The following PIK3C3 variants were observed in gnomAD, a reference collection of about 807,000 sequenced individuals.
PIK3C3 encodes phosphatidylinositol 3-kinase catalytic subunit type 3.
A neutral mutation model predicts 126.1 loss-of-function variants in PIK3C3; 95 were observed. That is an observed-to-expected ratio of 0.75 (90% confidence interval 0.64 to 0.89). The LOEUF (loss-of-function observed/expected upper bound fraction) is 0.89, where lower values mean the gene tolerates loss of function less well. Among genes scored for constraint, PIK3C3 ranks in the 40% least tolerant of loss-of-function variants. The pLI is 0.00. For synonymous variants in PIK3C3, 374 were observed against 360.0 expected (o/e 1.04, Z -0.44); for missense variants, 829 against 1,063.2 (o/e 0.78, Z 3.06).
chr18:42,014,615 C>T (rs1982987942), intron 11 of PIK3C3, among the ~76,000 whole-genome samples: 1 of 152,056 alleles, frequency 6.6e-6, no homozygotes, highest in Non-Finnish European at 1.5e-5. Flanking sequence ...TAGTAGTAAC[C>T]ATTGGGTGAA....
chr18:41,955,621 A>C (rs972449286), intron 1 of PIK3C3, among the ~76,000 whole-genome samples: 1 of 152,202 alleles, frequency 6.6e-6, no homozygotes, highest in Non-Finnish European at 1.5e-5. Flanking sequence ...TACAGTCTTT[A>C]AAGTTTTTGC....
At position 42,049,557 on chromosome 18, in the gene PIK3C3, C is replaced by T; in HGVS notation, c.2215C>T (p.Leu739Phe). 6.2e-7 allele frequency: 1 copy of T among 1,613,760 alleles called. No individual in the cohort carries two copies. The highest frequency in any genetic ancestry group is 8.5e-7 in the Non-Finnish European group (1 of 1,179,708). ...TGGATATTGCGTGATCACCTATATA[C>T]TTGGAGTTGGAGACAGGCACCTGGA... The part of the protein sequence containing the change: ...CAGYCVITYI[L>F]GVGDRHLDNL... The change falls in exon 21 of 25, where the codon CTT (leucine) becomes TTT (phenylalanine). Residue 739 changes from leucine (L) to phenylalanine (F), a missense_variant. Transcript: ENST00000262039.
intron 1 of PIK3C3, 94 bp downstream of exon 1, chr18:41,955,453 C>A: frequency 9.1e-7 from 1 of 1,098,450 alleles, no homozygotes; most frequent in Non-Finnish European, 1.4e-6. Flanking sequence ...AAGTACGTGA[C>A]TCGTCTCAAG....
intron 3 of PIK3C3, among the ~76,000 whole-genome samples, chr18:41,966,777 A>T (rs76730334): frequency 0.025 from 3,873 of 152,302 alleles, 169 homozygotes; most frequent in African/African-American, 0.088. Context: ...ATATACACGG[A>T]ATATTCAGCT....
chr18:41,986,702 G>A (rs903469256), intron 4 of PIK3C3, among the ~76,000 whole-genome samples: 74 of 151,936 alleles, frequency 4.9e-4, no homozygotes, highest in African/African-American at 1.3e-3. Context: ...TTCCACCAGA[G>A]CCACCACGAT....
intron 9 of PIK3C3, 89 bp from the exon 10 acceptor site, chr18:42,004,267 T>C (rs540231031): frequency 2.1e-6 from 2 of 935,598 alleles, no homozygotes; most frequent in Non-Finnish European, 3.3e-6. Context: ...CGTGGCTCTG[T>C]CATTAGGACC....
intron 9 of PIK3C3, among the ~76,000 whole-genome samples, chr18:42,003,954 G>A (rs1419584658): frequency 2.0e-5 from 3 of 152,128 alleles, no homozygotes; most frequent in East Asian, 1.9e-4. Context: ...CATGGCTTCC[G>A]GCCCTTCGCT....
intron 11 of PIK3C3, 132 bp from the exon 12 acceptor site, chr18:42,015,344 T>C: frequency 1.5e-6 from 1 of 664,060 alleles, no homozygotes; most frequent in Admixed American, 2.4e-5. Context: ...ACTCTAGTGT[T>C]GCACAGAACA....
chr18:41,962,537 G>A lies in PIK3C3; in HGVS notation c.306G>A (p.Arg102=). The change falls in exon 3 of 25, where the codon AGG becomes AGA. Residue 102 remains arginine, a synonymous_variant. Transcript: ENST00000262039. ...CAGTAAAATACCCTGACCTGCCCAG[G>A]AATGCCCAAGTGGCCCTCACCATAT... The part of the protein sequence containing the change: ...KLPVKYPDLP[R]NAQVALTIWD... 6.2e-7 allele frequency: 1 copy of A among 1,613,674 alleles called. No individual in the cohort carries two copies. The highest frequency in any genetic ancestry group is 8.5e-7 in the Non-Finnish European group (1 of 1,179,702).
rs1416807069 is a variant in PIK3C3 at position 42,020,589 on chromosome 18, C to T, written c.1417-49C>T. On this transcript the variant is annotated intron_variant, in intron 12 of 24. Transcript: ENST00000262039. ...AAATGTAAACTTACTTATTTTCCCC[C>T]ATTACTAGTAGATGATAATATATAA... is the stretch of plus-strand genomic sequence containing the variant. The T allele has an allele frequency of 2.6e-6, 3 of 1,150,604 alleles. No homozygotes were observed. The South Asian group carries it at 4.1e-5, about 16-fold the overall frequency. 71.3% of individuals were successfully genotyped at this position (1,150,604 alleles called of 1,614,324 possible).
chr18:42,038,367 G>T lies in PIK3C3; in HGVS notation c.1969-414G>T, dbSNP rs1349078622. On this transcript the variant is annotated intron_variant, in intron 17 of 24. Coordinates refer to ENST00000262039, the MANE Select transcript of PIK3C3 (RefSeq NM_002647.4). ...ATTAACTATTTTTTTTTTTGAGATGGAGTTTTGCTTTTTGCACAGGCTAAA... is the reference window on the plus strand; with the variant it reads ...ATTAACTATTTTTTTTTTTGAGATGTAGTTTTGCTTTTTGCACAGGCTAAA... Among the ~76,000 whole-genome samples the T allele has an allele frequency of 2.6e-5, 4 of 151,538 alleles. No individual in the cohort carries two copies. The East Asian group carries it at 7.7e-4, about 29-fold the overall frequency.
At chr18:42,009,168 A>G (rs917781998) in intron 10 of PIK3C3, among the ~76,000 whole-genome samples, 4 of 152,312 alleles carry the variant, frequency 2.6e-5, no homozygotes, top group African/African-American at 9.6e-5. Flanking sequence ...AATCTCAACT[A>G]TGATAATAGA....
chr18:42,060,222 T>C (rs371295713), intron 22 of PIK3C3, among the ~76,000 whole-genome samples: 1 of 152,198 alleles, frequency 6.6e-6, no homozygotes, highest in East Asian at 1.9e-4. Flanking sequence ...GGCCCTGTTA[T>C]TTTATAGTTT....
At chr18:42,054,179 T>TATAG (rs1984951997) in intron 21 of PIK3C3, among the ~76,000 whole-genome samples, 1 of 78,396 alleles carries the variant, frequency 1.3e-5, no homozygotes, top group Non-Finnish European at 2.4e-5. Context: ...TATATATATA[T>TATAG]ATATATATAT....
chr18:42,008,921 G>C (rs2144393073), intron 10 of PIK3C3, among the ~76,000 whole-genome samples: 2 of 152,150 alleles, frequency 1.3e-5, no homozygotes, highest in East Asian at 3.9e-4. Flanking sequence ...CCCTTCCTGG[G>C]GAATTTAATA....
chr18:42,041,119 C>T (rs181851033), intron 19 of PIK3C3, among the ~76,000 whole-genome samples: 203 of 151,974 alleles, frequency 1.3e-3, no homozygotes, highest in Non-Finnish European at 2.0e-3. Context: ...GAGGTGGAGA[C>T]TGCAGTGAGC....
intron 21 of PIK3C3, chr18:42,050,450 A>G (rs1984752374): frequency 6.6e-6 from 1 of 152,156 alleles, no homozygotes; most frequent in South Asian, 2.1e-4. Flanking sequence ...TGCTTACTTG[A>G]AATTGTCATT....
chr18:42,079,733 G>A (rs1366505081), intron 24 of PIK3C3, among the ~76,000 whole-genome samples: 2 of 152,078 alleles, frequency 1.3e-5, no homozygotes, highest in Non-Finnish European at 2.9e-5. Context: ...TTTTCATTGC[G>A]TCCAAATTAC....
At chr18:42,010,852 A>G (rs1982789333) in intron 10 of PIK3C3, among the ~76,000 whole-genome samples, 1 of 152,226 alleles carries the variant, frequency 6.6e-6, no homozygotes, top group South Asian at 2.1e-4. Flanking sequence ...CTATGATCTC[A>G]CAAAATGTGT....
Sources: gnomAD v4.1 joint callset for allele counts (sites outside exome capture counted in the v4.1 genomes callset) on GRCh38, gnomAD v4.1.1 for gene constraint, MANE v1.5 for transcripts, NCBI Gene and HGNC (gene_info 2026-07-23, HGNC 2026-07-21) for gene names.